The following CGB5 variants were observed in gnomAD, a reference collection of about 807,000 sequenced individuals.
CGB5 encodes the protein chorionic gonadotropin subunit beta 5, also known as chorionic gonadotropin, beta polypeptide 5.
A neutral mutation model predicts 7.6 loss-of-function variants in CGB5; 2 were observed. The ratio of observed to expected loss-of-function variants is 0.26; its 90% CI spans 0.11 to 0.83. CGB5 has a LOEUF of 0.83. Among genes scored for constraint, CGB5 ranks in the 40% least tolerant of loss-of-function variants. The pLI, the probability that CGB5 is intolerant of heterozygous loss-of-function variation, is 0.65. For missense variants in CGB5, 48 were observed against 228.2 expected, an observed-to-expected ratio of 0.21 and a Z score of 5.09; for synonymous variants, 25 against 99.8, an observed-to-expected ratio of 0.25 and a Z score of 4.47.
rs566597050 is a variant in CGB5 at position 49,044,188 on chromosome 19, C to G, written c.-22C>G. On this transcript the variant is annotated 5_prime_UTR_variant, in exon 1 of 3. Transcript: ENST00000301408. ...ACCCCGAGGTATAAAGCCAGGTACA[C>G]GAGGCAGGGGACGCACCAAGGATGG... The G allele has an allele frequency of 1.9e-5, 31 of 1,613,730 alleles. No homozygotes were observed. The South Asian group carries it at 2.9e-4, about 15-fold the overall frequency.
rs201518833 is a variant in CGB5 at position 49,043,945 on chromosome 19, C to T, written c.-265C>T. The T allele has an allele frequency of 2.6e-3, 3,003 of 1,168,966 alleles. 3 individuals are homozygous for T. The highest frequency in any genetic ancestry group is 2.9e-3 in the Non-Finnish European group (2,486 of 863,736). 72.4% of individuals were successfully genotyped at this position (1,168,966 alleles called of 1,614,324 possible). ...ACCCTACTCCCTGTGCCTCCAGGCT[C>T]GACTAGTCCCTAGCACTCGACGACT... is the stretch of plus-strand genomic sequence containing the variant. On this transcript the variant is annotated 5_prime_UTR_variant, in exon 1 of 3. Transcript: ENST00000301408.
chr19:49,043,913 T>G lies in CGB5; in HGVS notation c.-297T>G. ...ACCCCACCATAGGCAGAGGCAGGCC[T>G]TCCTACACCCTACTCCCTGTGCCTC... On this transcript the variant is annotated 5_prime_UTR_variant, in exon 1 of 3. Transcript: ENST00000301408. The G allele has an allele frequency of 8.3e-7, 1 of 1,208,924 alleles. No individual in the cohort carries two copies. The highest frequency in any genetic ancestry group is 1.1e-6 in the Non-Finnish European group (1 of 913,632). 74.9% of individuals were successfully genotyped at this position (1,208,924 alleles called of 1,614,324 possible). A position where few individuals can be genotyped will look rare whatever the true frequency, so the allele number is the denominator to read the frequency against.
chr19:49,044,436 A>C, intron 1 of CGB5, 141 bp from the exon 2 acceptor site: 1 of 1,485,004 alleles, frequency 6.7e-7, no homozygotes, highest in Non-Finnish European at 8.9e-7. Flanking sequence ...TCTGAAAGGC[A>C]GGTGTCCGGG....
chr19:49,044,342 C>T, intron 1 of CGB5, 118 bp downstream of exon 1: 1 of 1,605,340 alleles, frequency 6.2e-7, no homozygotes, highest in Non-Finnish European at 8.5e-7. Context: ...GCGTGACCCC[C>T]AGTAAGCTTC....
In CGB5 at chr19:49,045,232, C is replaced by G; in HGVS notation, c.436C>G (p.Pro146Ala). Residue 146 changes from proline to alanine, a missense_variant, in exon 3 of 3, where the codon CCC becomes GCC. Coordinates refer to ENST00000301408, the MANE Select transcript of CGB5 (RefSeq NM_033043.2). ...QDSSSSKAPP[P>A]SLPSPSRLPG... ...CTCCTCTTCCTCAAAGGCCCCTCCC[C>G]CCAGCCTTCCAAGTCCATCCCGACT... 6.2e-7 allele frequency: 1 copy of G among 1,602,224 alleles called. No individual in the cohort carries two copies. The highest frequency in any genetic ancestry group is 8.5e-7 in the Non-Finnish European group (1 of 1,174,984).
intron 2 of CGB5, 50 bp from the exon 3 acceptor site, chr19:49,044,930 A>C (rs923013752): frequency 1.3e-5 from 21 of 1,591,988 alleles, no homozygotes; most frequent in South Asian, 2.2e-5. Context: ...AGCTCAGCTG[A>C]GGCGCTGGCC....
chr19:49,044,600 G>A lies in CGB5; in HGVS notation c.39G>A (p.Leu13=). 1 of 1,578,924 alleles carries A rather than the reference G, an allele frequency of 6.3e-7. No individual in the cohort carries two copies. Among genetic ancestry groups the A allele is most frequent in the Non-Finnish European group, 8.5e-7 (1 of 1,171,048 alleles). The change falls in exon 2 of 3, where the codon CTG becomes CTA. Residue 13 remains leucine (L), a synonymous_variant. Coordinates refer to ENST00000301408, the MANE Select transcript of CGB5 (RefSeq NM_033043.2). ...MFQGLLLLLL[L]SMGGTWASKE... is the part of the protein sequence containing the mutation. ...AGGGGCTGCTGCTGTTGCTGCTGCT[G>A]AGCATGGGCGGGACATGGGCATCCA...
At position 49,044,974 on chromosome 19, in the gene CGB5, T is replaced by C. The variant is rs906054589; in HGVS notation, c.184-6T>C. 7.0e-6 allele frequency: 11 copies of C among 1,567,116 alleles called. No individual in the cohort carries two copies. Among genetic ancestry groups the C allele is most frequent in the South Asian group, 5.8e-5 (5 of 86,124 alleles). On this transcript the variant is annotated splice_region_variant and splice_polypyrimidine_tract_variant and intron_variant, in intron 2 of 2. Coordinates refer to ENST00000301408, the MANE Select transcript of CGB5 (RefSeq NM_033043.2). ...ATGCTCATTCCCCCACTCACACGGC[T>C]TCCAGACCCGCGTGCTGCAGGGGGT...
chr19:49,044,178 G>A lies in CGB5; in HGVS notation c.-32G>A, dbSNP rs764079257. The A allele has an allele frequency of 1.9e-6, 3 of 1,613,698 alleles. No homozygotes were observed. The highest frequency in any genetic ancestry group is 1.3e-5 in the African/African-American group (1 of 74,782). Reference sequence around the variant, plus strand: ...CGCCCCCACAACCCCGAGGTATAAAGCCAGGTACACGAGGCAGGGGACGCA... The same window carrying A: ...CGCCCCCACAACCCCGAGGTATAAAACCAGGTACACGAGGCAGGGGACGCA... On this transcript the variant is annotated 5_prime_UTR_variant, in exon 1 of 3. Coordinates refer to ENST00000301408, the MANE Select transcript of CGB5 (RefSeq NM_033043.2).
chr19:49,044,230 A>T lies in CGB5; in HGVS notation c.15+6A>T, dbSNP rs1461097441. The T allele has an allele frequency of 1.2e-6, 2 of 1,613,154 alleles. No individual in the cohort carries two copies. Among genetic ancestry groups the T allele is most frequent in the Non-Finnish European group, 1.7e-6 (2 of 1,179,770 alleles). ...CAAGGATGGAGATGTTCCAGGTAAGACTGCAGGGCCCCTGGGCACCTTCCA... is the reference window on the plus strand; with the variant it reads ...CAAGGATGGAGATGTTCCAGGTAAGTCTGCAGGGCCCCTGGGCACCTTCCA... On this transcript the variant is annotated splice_donor_region_variant and intron_variant, in intron 1 of 2. Coordinates refer to ENST00000301408, the MANE Select transcript of CGB5 (RefSeq NM_033043.2).
rs33914343 is a variant in CGB5 at position 49,043,882 on chromosome 19, C to A, written c.-328C>A. ...CTCGGGTCACGGCCTCCTCCTGGCTCCCAGGACCCCACCATAGGCAGAGGC... is the reference window on the plus strand; with the variant it reads ...CTCGGGTCACGGCCTCCTCCTGGCTACCAGGACCCCACCATAGGCAGAGGC... On this transcript the variant is annotated 5_prime_UTR_variant, in exon 1 of 3. Transcript: ENST00000301408. 1 of 1,089,924 alleles carries A rather than the reference C, an allele frequency of 9.2e-7. No homozygotes were observed. The highest frequency in any genetic ancestry group is 1.1e-6 in the Non-Finnish European group (1 of 873,364). 67.5% of individuals were successfully genotyped at this position (1,089,924 alleles called of 1,614,324 possible). A position where few individuals can be genotyped will look rare whatever the true frequency, so the allele number is the denominator to read the frequency against.
rs1176819560 is a variant in CGB5 at position 49,044,137 on chromosome 19, C to A, written c.-73C>A. The A allele has an allele frequency of 6.2e-7, 1 of 1,613,794 alleles. No homozygotes were observed. Among genetic ancestry groups the A allele is most frequent in the Non-Finnish European group, 8.5e-7 (1 of 1,179,820 alleles). Reference sequence around the variant, plus strand: ...CGAGCTCACCCCAGCATCCTACAACCTCCTGGTGGCCTTGCCGCCCCCACA... The same window carrying A: ...CGAGCTCACCCCAGCATCCTACAACATCCTGGTGGCCTTGCCGCCCCCACA... On this transcript the variant is annotated 5_prime_UTR_variant, in exon 1 of 3. Transcript: ENST00000301408.
chr19:49,044,170 G>T lies in CGB5; in HGVS notation c.-40G>T, dbSNP rs1293917310. 1 of 1,613,638 alleles carries T rather than the reference G, an allele frequency of 6.2e-7. No individual in the cohort carries two copies. Among genetic ancestry groups the T allele is most frequent in the African/African-American group, 1.3e-5 (1 of 74,736 alleles). Reference sequence around the variant, plus strand: ...GGCCTTGCCGCCCCCACAACCCCGAGGTATAAAGCCAGGTACACGAGGCAG... The same window carrying T: ...GGCCTTGCCGCCCCCACAACCCCGATGTATAAAGCCAGGTACACGAGGCAG... On this transcript the variant is annotated 5_prime_UTR_variant, in exon 1 of 3. The change creates a new upstream start codon in the 5' untranslated region. Transcript: ENST00000301408.
Position 49,043,996 on chromosome 19 carries a change from G to C in CGB5, c.-214G>C, listed in dbSNP as rs2039911040. The C allele has an allele frequency of 8.2e-7, 1 of 1,225,358 alleles. No homozygotes were observed. Among genetic ancestry groups the C allele is most frequent in the Non-Finnish European group, 1.1e-6 (1 of 896,126 alleles). 75.9% of individuals were successfully genotyped at this position (1,225,358 alleles called of 1,614,324 possible). A position where few individuals can be genotyped will look rare whatever the true frequency, so the allele number is the denominator to read the frequency against. On this transcript the variant is annotated 5_prime_UTR_variant, in exon 1 of 3. Coordinates refer to ENST00000301408, the MANE Select transcript of CGB5 (RefSeq NM_033043.2). Reference sequence around the variant, plus strand: ...GAGTCTCTGAGATCACTTCACCGTGGTCTCCGCCTCACCCTTGGCGCTGGA... The same window carrying C: ...GAGTCTCTGAGATCACTTCACCGTGCTCTCCGCCTCACCCTTGGCGCTGGA...
rs2039911981 is a variant in CGB5 at position 49,044,067 on chromosome 19, G to GC, written c.-137dup. On this transcript the variant is annotated 5_prime_UTR_variant, in exon 1 of 3. Coordinates refer to ENST00000301408, the MANE Select transcript of CGB5 (RefSeq NM_033043.2). Reference sequence around the variant, plus strand: ...GGGCGCTCCGCTGAGCCACTCCTGCGCCCCCCTGGCCTTGTCTACCTCTTG... The same window carrying GC: ...GGGCGCTCCGCTGAGCCACTCCTGCGCCCCCCCTGGCCTTGTCTACCTCTTG... The GC allele has an allele frequency of 4.3e-6, 6 of 1,399,462 alleles. No homozygotes were observed. The highest frequency in any genetic ancestry group is 6.0e-6 in the Non-Finnish European group (6 of 1,004,366). 86.7% of individuals were successfully genotyped at this position (1,399,462 alleles called of 1,614,324 possible). A position where few individuals can be genotyped will look rare whatever the true frequency, so the allele number is the denominator to read the frequency against.
Position 49,043,899 on chromosome 19 carries a change from G to C in CGB5, c.-311G>C. The C allele has an allele frequency of 8.0e-7, 1 of 1,247,974 alleles. No individual in the cohort carries two copies. The highest frequency in any genetic ancestry group is 1.0e-6 in the Non-Finnish European group (1 of 955,884). 77.3% of individuals were successfully genotyped at this position (1,247,974 alleles called of 1,614,324 possible). On this transcript the variant is annotated 5_prime_UTR_variant, in exon 1 of 3. Transcript: ENST00000301408. ...TCCTGGCTCCCAGGACCCCACCATA[G>C]GCAGAGGCAGGCCTTCCTACACCCT...
chr19:49,044,444 G>C, intron 1 of CGB5, 133 bp from the exon 2 acceptor site: 6 of 1,457,500 alleles, frequency 4.1e-6, no homozygotes, highest in Non-Finnish European at 5.4e-6. Context: ...GCAGGTGTCC[G>C]GGTGGTGGGT....
In CGB5 at chr19:49,044,162, A is replaced by G. The variant is rs1305729526; in HGVS notation, c.-48A>G. On this transcript the variant is annotated 5_prime_UTR_variant, in exon 1 of 3. Transcript: ENST00000301408. Reference sequence around the variant, plus strand: ...CTCCTGGTGGCCTTGCCGCCCCCACAACCCCGAGGTATAAAGCCAGGTACA... The same window carrying G: ...CTCCTGGTGGCCTTGCCGCCCCCACGACCCCGAGGTATAAAGCCAGGTACA... The G allele has an allele frequency of 5.0e-6, 8 of 1,613,648 alleles. No individual in the cohort carries two copies. The South Asian group carries it at 8.8e-5, about 18-fold the overall frequency.
At position 49,045,015 on chromosome 19, in the gene CGB5, T is replaced by C. The variant is rs2039923387; in HGVS notation, c.219T>C (p.Pro73=). The C allele has an allele frequency of 3.2e-6, 5 of 1,576,344 alleles. No individual in the cohort carries two copies. Among genetic ancestry groups the C allele is most frequent in the Non-Finnish European group, 4.3e-6 (5 of 1,170,134 alleles). Residue 73 remains proline (P), a synonymous_variant, in exon 3 of 3, where the codon CCT becomes CCC. Transcript: ENST00000301408. ...TGCAGGGGGTCCTGCCGGCCCTGCC[T>C]CAGGTGGTGTGCAACTACCGCGATG... is the stretch of plus-strand genomic sequence containing the variant. ...RVLQGVLPAL[P]QVVCNYRDVR...
Sources: allele counts gnomAD v4.1 joint callset, GRCh38; gene constraint gnomAD v4.1.1; transcripts MANE v1.5; gene names NCBI Gene and HGNC (gene_info 2026-07-23, HGNC 2026-07-21).